MROH2B: variants seen among roughly 807,000 people sequenced by gnomAD.
MROH2B encodes maestro heat-like repeat-containing protein family member 2B.
Under a neutral mutation model 208.6 loss-of-function variants are expected in MROH2B, and 177 were observed. That is an observed-to-expected ratio of 0.85 (90% CI 0.75 to 0.96). MROH2B has a LOEUF of 0.96. MROH2B is among the 40% of genes least tolerant of loss of function. The pLI is 0.00. For missense variants in MROH2B, 2,002 were observed against 1,878.7 expected (o/e 1.07, Z -1.21); for synonymous variants, 728 against 659.0 (o/e 1.10, Z -1.60).
chr5:41,062,256 G>A (rs1333763932), intron 5 of MROH2B, among the ~76,000 whole-genome samples: 1 of 152,132 alleles, frequency 6.6e-6, no homozygotes, highest in Non-Finnish European at 1.5e-5. Context: ...ACATGTAATA[G>A]AATACAGAAA....
chr5:41,041,622 TCAACAA>T (rs569467895), intron 19 of MROH2B, among the ~76,000 whole-genome samples: 3 of 151,894 alleles, frequency 2.0e-5, no homozygotes, highest in East Asian at 1.9e-4. Flanking sequence ...ACACTCTGTC[TCAACAA>T]CAACAACAAC....
rs1561273705 is a variant in MROH2B, at chr5:41,004,932, AAC to A, written c.3865-14_3865-13del. On this transcript the variant is annotated splice_polypyrimidine_tract_variant and intron_variant, in intron 35 of 41. Coordinates refer to ENST00000399564, the MANE Select transcript of MROH2B (RefSeq NM_173489.5). ...GGTTCCTTCATGAGCTGAAATAATC[AAC>A]ACACTCCTCCCGTTTAGTTAAGGGC... 6.2e-7 allele frequency: 1 copy of A among 1,613,072 alleles called. No individual in the cohort carries two copies.
chr5:41,013,416 G>C (rs144007757), intron 29 of MROH2B, among the ~76,000 whole-genome samples: 1 of 152,270 alleles, frequency 6.6e-6, no homozygotes, highest in African/African-American at 2.4e-5. Context: ...GAGTAGGAAA[G>C]CAGGTGAAAA....
At chr5:41,057,049 A>G (rs890472226) in intron 9 of MROH2B, 60 bp downstream of exon 9, 5 of 1,534,374 alleles carry the variant, frequency 3.3e-6, no homozygotes, top group Non-Finnish European at 4.5e-6. Context: ...TCCTTTTACC[A>G]TTGTCATCAT....
At chr5:41,025,247 C>G (rs1332852884) in intron 24 of MROH2B, among the ~76,000 whole-genome samples, 4 of 151,838 alleles carry the variant, frequency 2.6e-5, no homozygotes, top group Non-Finnish European at 5.9e-5. Flanking sequence ...AATCTAGGAG[C>G]TGGTTTTTTG....
rs1287187720 is a variant in MROH2B, at chr5:41,026,138, C to T, written c.2441+6604G>A. 3.3e-5 allele frequency among the ~76,000 whole-genome samples: 5 copies of T among 152,092 alleles called. No individual in the cohort carries two copies. In the East Asian group the frequency reaches 7.7e-4, roughly 23 times the overall value. ...TGAAAAGTGGCACAAGACAGGGATG[C>T]CTTCTCTCACCACTCCTATTCAACA... On this transcript the variant is annotated intron_variant, in intron 24 of 41. Coordinates refer to ENST00000399564, the MANE Select transcript of MROH2B (RefSeq NM_173489.5).
At chr5:41,062,284 T>C (rs1297060171) in intron 5 of MROH2B, among the ~76,000 whole-genome samples, 1 of 152,146 alleles carries the variant, frequency 6.6e-6, no homozygotes, top group Non-Finnish European at 1.5e-5. Flanking sequence ...GGGCGATAAC[T>C]CCACAGAACA....
chr5:41,028,949 C>A (rs1156698299), intron 24 of MROH2B, among the ~76,000 whole-genome samples: 1 of 152,036 alleles, frequency 6.6e-6, no homozygotes, highest in Non-Finnish European at 1.5e-5. Context: ...GTGCAGATAT[C>A]TTTACGAGGT....
intron 37 of MROH2B, among the ~76,000 whole-genome samples, chr5:41,003,081 C>T (rs957259090): frequency 1.3e-5 from 2 of 151,202 alleles, no homozygotes; most frequent in Admixed American, 1.3e-4. Flanking sequence ...CTGTCTCAGT[C>T]TCCCTAGTAG....
rs1443217743 is a variant in MROH2B, at chr5:41,057,307, C to T, written c.810G>A (p.Arg270=). The change falls in exon 8 of 42, where the codon AGG becomes AGA. Residue 270 remains arginine (R), a synonymous_variant. Transcript: ENST00000399564. ...AAVLYDIGLP[R]SLRRSIFINL... ...TGATAAAGATGGATCTTCTCAAGCT[C>T]CTTGGAAGGCCAATGTCATAAAGAA... is the stretch of plus-strand genomic sequence containing the variant. 1.3e-6 allele frequency: 2 copies of T among 1,594,042 alleles called. No homozygotes were observed. The highest frequency in any genetic ancestry group is 1.7e-6 in the Non-Finnish European group (2 of 1,169,492).
chr5:41,019,032 C>G lies in MROH2B; in HGVS notation c.2442-14G>C. 3 of 1,613,662 alleles carry G rather than the reference C, an allele frequency of 1.9e-6. No individual in the cohort carries two copies. Among genetic ancestry groups the G allele is most frequent in the Admixed American group, 3.3e-5 (2 of 59,906 alleles). Reference sequence around the variant, plus strand: ...GGTTTCAGTTTACTGAAATGAGAACCAGGTGGAGGAATGGATATTACAGTG... The same window carrying G: ...GGTTTCAGTTTACTGAAATGAGAACGAGGTGGAGGAATGGATATTACAGTG... On this transcript the variant is annotated splice_polypyrimidine_tract_variant and intron_variant, in intron 24 of 41. Coordinates refer to ENST00000399564, the MANE Select transcript of MROH2B (RefSeq NM_173489.5).
chr5:41,030,089 T>TAA (rs35124264), intron 24 of MROH2B, among the ~76,000 whole-genome samples: 9 of 151,410 alleles, frequency 5.9e-5, no homozygotes, highest in East Asian at 1.9e-4. Flanking sequence ...CAGAATAAAT[T>TAA]AAAAAAAATA....
chr5:41,069,892 C>A, intron 1 of MROH2B, 140 bp from the exon 2 acceptor site: 2 of 640,454 alleles, frequency 3.1e-6, no homozygotes, highest in Admixed American at 2.9e-5. Context: ...TCTTTGATGG[C>A]AGGAACTGTT....
chr5:41,048,590 T>A lies in MROH2B; in HGVS notation c.1543-125A>T, dbSNP rs919145922. 8.3e-6 allele frequency: 9 copies of A among 1,080,284 alleles called. No homozygotes were observed. In the African/African-American group the frequency reaches 1.3e-4, roughly 15 times the overall value. 66.9% of individuals were successfully genotyped at this position (1,080,284 alleles called of 1,614,324 possible). On this transcript the variant is annotated intron_variant, in intron 15 of 41. Transcript: ENST00000399564. ...CATTGGATAATCTTTTAACAAATCATCACAGTCTATTCTTATTTATTCTAG... is the reference window on the plus strand; with the variant it reads ...CATTGGATAATCTTTTAACAAATCAACACAGTCTATTCTTATTTATTCTAG...
At chr5:41,000,897 C>G in intron 37 of MROH2B, 64 bp from the exon 38 acceptor site, 1 of 1,516,226 alleles carries the variant, frequency 6.6e-7, no homozygotes, top group Non-Finnish European at 8.9e-7. Context: ...CTAGCACACT[C>G]TTGGCTCTCA....
At chr5:41,057,924 C>G (rs1195573933) in intron 7 of MROH2B, 139 bp downstream of exon 7, 1 of 698,900 alleles carries the variant, frequency 1.4e-6, no homozygotes, top group East Asian at 3.2e-5. Context: ...TTTTTCCTAC[C>G]TCATATTCCT....
Position 41,045,788 on chromosome 5 carries a change from G to C in MROH2B, c.1794C>G (p.Phe598Leu), listed in dbSNP as rs767542509. Residue 598 changes from phenylalanine (F) to leucine (L), a missense_variant, in exon 18 of 42, where the codon TTC (phenylalanine) becomes TTG (leucine). Phe to Leu is a conservative substitution (Grantham distance 22, BLOSUM62 0). Coordinates refer to ENST00000399564, the MANE Select transcript of MROH2B (RefSeq NM_173489.5). ...TGCTGTAACTGCCCATTTGCTGTTT[G>C]AAATCCTGAGTCAGCTGAATGGTCC... ...VAWTIQLTQD[F>L]KQQMGSYSNN... 4 of 1,613,440 alleles carry C rather than the reference G, an allele frequency of 2.5e-6. No individual in the cohort carries two copies. The African/African-American group carries it at 5.3e-5, about 22-fold the overall frequency.
chr5:41,012,184 G>T (rs1254018149), intron 30 of MROH2B, among the ~76,000 whole-genome samples: 1 of 152,174 alleles, frequency 6.6e-6, no homozygotes, highest in African/African-American at 2.4e-5. Context: ...TGGGGTGTGG[G>T]AGAAAAGCCT....
At chr5:41,066,067 T>C (rs1228910757) in intron 3 of MROH2B, among the ~76,000 whole-genome samples, 1 of 152,142 alleles carries the variant, frequency 6.6e-6, no homozygotes, top group Non-Finnish European at 1.5e-5. Context: ...TCTGGTACCA[T>C]GAACACAAGA....
Sources: allele counts gnomAD v4.1 joint callset (sites outside exome capture counted in the v4.1 genomes callset), GRCh38; gene constraint gnomAD v4.1.1; transcripts MANE v1.5; gene names NCBI Gene and HGNC (gene_info 2026-07-23, HGNC 2026-07-21).